The following ARHGAP5 variants were observed in gnomAD, a reference collection of about 807,000 sequenced individuals.
The protein encoded by ARHGAP5 is Rho GTPase activating protein 5, also known as rho GTPase-activating protein 5.
Under a neutral mutation model 116.6 loss-of-function variants are expected in ARHGAP5, and 23 were observed. The observed-to-expected ratio is 0.20, with a 90% confidence interval of 0.14 to 0.28. The LOEUF is 0.28. Among genes scored for constraint, ARHGAP5 ranks in the 10% least tolerant of loss-of-function variants. ARHGAP5 has a pLI of 1.00. For synonymous variants in ARHGAP5, 574 were observed against 602.0 expected (o/e 0.95, Z 0.68); for missense variants, 1,405 against 1,774.8 (o/e 0.79, Z 3.74).
chr14:32,153,234 C>A (rs1881726781), intron 6 of ARHGAP5, among the ~76,000 whole-genome samples: 1 of 148,788 alleles, frequency 6.7e-6, no homozygotes, highest in South Asian at 2.1e-4. Context: ...TGGTGAAACC[C>A]CATCTCCACT....
chr14:32,142,261 A>G (rs1271245521), intron 3 of ARHGAP5, among the ~76,000 whole-genome samples: 1 of 152,104 alleles, frequency 6.6e-6, no homozygotes, highest in African/African-American at 2.4e-5. Context: ...CATTTTCTCT[A>G]AATTTCTTTT....
rs557477214 is a variant in ARHGAP5 at position 32,077,472 on chromosome 14, T to C, written c.-169+37T>C. The C allele has an allele frequency of 1.9e-5, 13 of 686,470 alleles. 1 individual carries two copies. The highest frequency in any genetic ancestry group is 1.1e-4 in the African/African-American group (6 of 55,540). The allele number at this position is 686,470 out of a possible 1,614,324, so 42.5% of individuals were successfully genotyped here. On this transcript the variant is annotated intron_variant, in intron 1 of 6. Coordinates refer to ENST00000345122, the MANE Select transcript of ARHGAP5 (RefSeq NM_001030055.2). ...CGGACCCCGCTCCTCCAAGCCTGCC[T>C]GCCCCCTCCCGGACGGGGACCCTCC...
At chr14:32,123,548 G>A (rs1236318615) in intron 3 of ARHGAP5, among the ~76,000 whole-genome samples, 1 of 151,590 alleles carries the variant, frequency 6.6e-6, no homozygotes, top group Non-Finnish European at 1.5e-5. Context: ...GCCTCTTTCT[G>A]TTGTTTTTGT....
chr14:32,101,937 C>G (rs371387498), intron 2 of ARHGAP5, among the ~76,000 whole-genome samples: 1 of 151,852 alleles, frequency 6.6e-6, no homozygotes, highest in Non-Finnish European at 1.5e-5. Context: ...GAGCCAAGAT[C>G]GTGCCACTGC....
chr14:32,115,686 C>T (rs1419342146), intron 2 of ARHGAP5, among the ~76,000 whole-genome samples: 1 of 133,540 alleles, frequency 7.5e-6, no homozygotes, highest in African/African-American at 2.9e-5. Context: ...AAAAAAAAAG[C>T]ATCGGCTGGG....
chr14:32,128,818 C>T (rs1481470648), intron 3 of ARHGAP5, among the ~76,000 whole-genome samples: 1 of 152,092 alleles, frequency 6.6e-6, no homozygotes, highest in Non-Finnish European at 1.5e-5. Flanking sequence ...AGATACTGGT[C>T]TGTTGTGTTT....
At chr14:32,099,351 T>G (rs1294960133) in intron 2 of ARHGAP5, among the ~76,000 whole-genome samples, 2 of 152,126 alleles carry the variant, frequency 1.3e-5, no homozygotes, top group African/African-American at 4.8e-5. Flanking sequence ...TAGGAGACAG[T>G]GAACTAGAAA....
chr14:32,078,140 A>G (rs969187262), intron 1 of ARHGAP5: 8 of 151,506 alleles, frequency 5.3e-5, no homozygotes, highest in African/African-American at 1.2e-4. Context: ...TCTTTCCACT[A>G]AAGAAAAGTA....
At chr14:32,138,504 A>G (rs1880930075) in intron 3 of ARHGAP5, among the ~76,000 whole-genome samples, 1 of 152,048 alleles carries the variant, frequency 6.6e-6, no homozygotes, top group African/African-American at 2.4e-5. Flanking sequence ...GACTGGTCTC[A>G]GACTCCTGAG....
At chr14:32,105,559 A>G (rs900189651) in intron 2 of ARHGAP5, among the ~76,000 whole-genome samples, 4 of 152,088 alleles carry the variant, frequency 2.6e-5, no homozygotes, top group Admixed American at 1.3e-4. Context: ...AAACTATAGT[A>G]CAATATCACA....
intron 3 of ARHGAP5, among the ~76,000 whole-genome samples, chr14:32,124,292 T>C (rs1437160574): frequency 6.6e-6 from 1 of 152,270 alleles, no homozygotes; most frequent in South Asian, 2.1e-4. Flanking sequence ...TGAAAACTGG[T>C]GTTTCATATA....
rs1881845069 is a variant in ARHGAP5 at position 32,155,288 on chromosome 14, A to AAT, written c.*341_*342insTA. ...TTTTTCTATAGAAATTAAATGATTT[A>AAT]AAAACTCACCTATATGAAACATTTA... is the stretch of plus-strand genomic sequence containing the variant. On this transcript the variant is annotated 3_prime_UTR_variant, in exon 7 of 7. Coordinates refer to ENST00000345122, the MANE Select transcript of ARHGAP5 (RefSeq NM_001030055.2). The AAT allele has an allele frequency of 1.7e-5, 3 of 174,548 alleles. No individual in the cohort carries two copies. Among genetic ancestry groups the AAT allele is most frequent in the African/African-American group, 7.1e-5 (3 of 42,232 alleles). The allele number at this position is 174,548 out of a possible 1,614,324, so 10.8% of individuals were successfully genotyped here. A position where few individuals can be genotyped will look rare whatever the true frequency, so the allele number is the denominator to read the frequency against.
chr14:32,128,448 C>T (rs916965167), intron 3 of ARHGAP5, among the ~76,000 whole-genome samples: 2 of 152,274 alleles, frequency 1.3e-5, no homozygotes, highest in African/African-American at 4.8e-5. Flanking sequence ...GCCTTGTCAC[C>T]ATGAGACCCT....
rs148997569 is a variant in ARHGAP5, at chr14:32,124,581, G to A, written c.3865+7294G>A. Reference sequence around the variant, plus strand: ...TGATAGATATTGGGTTGAAAGAGAGGGCTCAGAAGTGCCTCTCAGATTGCT... The same window carrying A: ...TGATAGATATTGGGTTGAAAGAGAGAGCTCAGAAGTGCCTCTCAGATTGCT... On this transcript the variant is annotated intron_variant, in intron 3 of 6. Transcript: ENST00000345122. Among the ~76,000 whole-genome samples, 276 of 152,240 alleles carry A rather than the reference G, an allele frequency of 1.8e-3. 1 individual carries two copies. The South Asian group carries it at 0.029, about 16-fold the overall frequency.
intron 1 of ARHGAP5, among the ~76,000 whole-genome samples, chr14:32,089,155 AATT>A (rs1278015241): frequency 6.6e-6 from 1 of 151,940 alleles, no homozygotes; most frequent in African/African-American, 2.4e-5. Flanking sequence ...TATTTTTAAA[AATT>A]ATTTTATCAG....
At chr14:32,132,878 C>G (rs1880578708) in intron 3 of ARHGAP5, among the ~76,000 whole-genome samples, 1 of 152,132 alleles carries the variant, frequency 6.6e-6, no homozygotes, top group Non-Finnish European at 1.5e-5. Context: ...TCAGGTTTGT[C>G]AAAGATCAGA....
chr14:32,126,443 A>C (rs1362256932), intron 3 of ARHGAP5, among the ~76,000 whole-genome samples: 1 of 152,086 alleles, frequency 6.6e-6, no homozygotes, highest in East Asian at 1.9e-4. Flanking sequence ...GTGCGTGCGC[A>C]GGTGTGTTTT....
chr14:32,136,614 G>A (rs981279296), intron 3 of ARHGAP5, among the ~76,000 whole-genome samples: 3 of 152,164 alleles, frequency 2.0e-5, no homozygotes, highest in Admixed American at 1.3e-4. Context: ...ATTCTTGAGG[G>A]TGTATGCCTA....
chr14:32,148,483 C>G (rs1335492474), intron 4 of ARHGAP5, among the ~76,000 whole-genome samples: 1 of 152,116 alleles, frequency 6.6e-6, no homozygotes, highest in Non-Finnish European at 1.5e-5. Context: ...AGAGTTTTCT[C>G]TCCGAGCACC....
Sources: gnomAD v4.1 joint callset for allele counts (sites outside exome capture counted in the v4.1 genomes callset) on GRCh38, gnomAD v4.1.1 for gene constraint, MANE v1.5 for transcripts, NCBI Gene and HGNC (gene_info 2026-07-23, HGNC 2026-07-21) for gene names.